The following CELF4 variants were observed in gnomAD, a reference collection of about 807,000 sequenced individuals.
The protein encoded by CELF4 is CUG-BP- and ETR-3-like factor 4.
Under a neutral mutation model 59.9 loss-of-function variants are expected in CELF4, and 18 were observed. That is an observed-to-expected ratio of 0.30 (90% confidence interval 0.21 to 0.45). The LOEUF is 0.45. CELF4 is among the 20% of genes least tolerant of loss of function. CELF4 has a pLI of 1.00. For missense variants in CELF4, 456 were observed against 689.0 expected (o/e 0.66, Z 3.79); for synonymous variants, 261 against 267.1 (o/e 0.98, Z 0.22).
intron 1 of CELF4, among the ~76,000 whole-genome samples, chr18:37,513,024 A>G (rs940042400): frequency 6.6e-6 from 1 of 152,106 alleles, no homozygotes; most frequent in African/African-American, 2.4e-5. Flanking sequence ...TGCATGGTGG[A>G]TCTCAGGGGC....
At chr18:37,286,986 C>A (rs1472206397) in intron 3 of CELF4, among the ~76,000 whole-genome samples, 2 of 152,144 alleles carry the variant, frequency 1.3e-5, no homozygotes, top group Non-Finnish European at 2.9e-5. Context: ...CCTGTAGCAC[C>A]AGCGGCTGCC....
chr18:37,429,901 C>T (rs1426572466), intron 2 of CELF4, among the ~76,000 whole-genome samples: 1 of 152,194 alleles, frequency 6.6e-6, no homozygotes, highest in African/African-American at 2.4e-5. Flanking sequence ...AGGCACACAC[C>T]TGCACTTCCT....
intron 1 of CELF4, among the ~76,000 whole-genome samples, chr18:37,491,226 T>C (rs1445673027): frequency 6.7e-6 from 1 of 149,892 alleles, no homozygotes. Flanking sequence ...CCACCTCCTC[T>C]CCTCACCCGA....
intron 1 of CELF4, among the ~76,000 whole-genome samples, chr18:37,511,769 C>T (rs1454034216): frequency 6.6e-6 from 1 of 152,062 alleles, no homozygotes; most frequent in Non-Finnish European, 1.5e-5. Context: ...ATTCTTTCTT[C>T]TTTTTTGTAA....
intron 2 of CELF4, among the ~76,000 whole-genome samples, chr18:37,323,747 CT>C (rs1161340230): frequency 6.6e-6 from 1 of 152,194 alleles, no homozygotes; most frequent in Non-Finnish European, 1.5e-5. Context: ...ATTTCTACAG[CT>C]TTTCTGCTTA....
At chr18:37,338,013 A>G (rs941051693) in intron 2 of CELF4, among the ~76,000 whole-genome samples, 3 of 147,750 alleles carry the variant, frequency 2.0e-5, no homozygotes, top group African/African-American at 7.5e-5. Context: ...TGTCACTGCC[A>G]CCACCACCAC....
chr18:37,436,649 A>G (rs1041795834), intron 2 of CELF4, among the ~76,000 whole-genome samples: 3 of 152,132 alleles, frequency 2.0e-5, no homozygotes, highest in Admixed American at 1.3e-4. Context: ...TTCACTTCCT[A>G]GGCTGCCTGC....
intron 3 of CELF4, among the ~76,000 whole-genome samples, chr18:37,280,404 G>C (rs551338110): frequency 2.0e-5 from 3 of 152,308 alleles, no homozygotes; most frequent in African/African-American, 7.2e-5. Context: ...TCTTTTAAGG[G>C]GTTGGGAAGA....
Position 37,556,088 on chromosome 18 carries a change from G to A in CELF4, c.286+9268C>T, listed in dbSNP as rs528798728. Among the ~76,000 whole-genome samples, 7 of 152,272 alleles carry A rather than the reference G, an allele frequency of 4.6e-5. No homozygotes were observed. In the East Asian group the frequency reaches 5.8e-4, roughly 13 times the overall value. On this transcript the variant is annotated intron_variant, in intron 1 of 12. Coordinates refer to ENST00000420428, the MANE Select transcript of CELF4 (RefSeq NM_020180.4). ...TCCTACAAATACACTGTGATGTAGC[G>A]TTTGATCTTTAGATGCCTCTTGTCT...
intron 1 of CELF4, among the ~76,000 whole-genome samples, chr18:37,553,689 A>G (rs537836122): frequency 6.2e-4 from 95 of 152,298 alleles, no homozygotes; most frequent in African/African-American, 2.2e-3. Context: ...TCCCAGGCTC[A>G]GGCCCGGCTT....
intron 3 of CELF4, among the ~76,000 whole-genome samples, chr18:37,295,786 C>A (rs151115684): frequency 6.6e-6 from 1 of 152,216 alleles, no homozygotes; most frequent in Non-Finnish European, 1.5e-5. Context: ...GGGAGGCACC[C>A]AGGTGAAACC....
intron 1 of CELF4, among the ~76,000 whole-genome samples, chr18:37,493,634 C>T (rs1056197413): frequency 6.6e-6 from 1 of 151,466 alleles, no homozygotes; most frequent in African/African-American, 2.4e-5. Flanking sequence ...ATACGTCTTC[C>T]TCAGAGGAGG....
Position 37,552,941 on chromosome 18 carries a change from C to T in CELF4, c.286+12415G>A, listed in dbSNP as rs115720482. Among the ~76,000 whole-genome samples the T allele has an allele frequency of 3.5e-3, 528 of 152,340 alleles. 2 individuals carry two copies. Among genetic ancestry groups the T allele is most frequent in the African/African-American group, 0.012 (493 of 41,586 alleles). ...TGACGTGGTCTGCCCAGTAGTCATT[C>T]ACCACAGCTCAACAACGTGCTTTTC... is the stretch of plus-strand genomic sequence containing the variant. On this transcript the variant is annotated intron_variant, in intron 1 of 12. Transcript: ENST00000420428.
chr18:37,281,677 GCTTTGGAGT>G (rs1164022662), intron 3 of CELF4, among the ~76,000 whole-genome samples: 1 of 151,828 alleles, frequency 6.6e-6, no homozygotes, highest in Admixed American at 6.5e-5. Context: ...CCTCTTTCCT[GCTTTGGAGT>G]CTTTGGTCTT....
chr18:37,519,506 T>A (rs947276884), intron 1 of CELF4, among the ~76,000 whole-genome samples: 1 of 152,204 alleles, frequency 6.6e-6, no homozygotes, highest in Non-Finnish European at 1.5e-5. Flanking sequence ...CATTTTGCCG[T>A]TGTTTGGAAG....
At chr18:37,550,054 T>C (rs548321691) in intron 1 of CELF4, among the ~76,000 whole-genome samples, 23 of 107,864 alleles carry the variant, frequency 2.1e-4, no homozygotes, top group South Asian at 3.8e-4. Context: ...GGAAGATATC[T>C]CCATCAACTG....
chr18:37,391,829 G>T (rs2099165366), intron 2 of CELF4, among the ~76,000 whole-genome samples: 1 of 152,212 alleles, frequency 6.6e-6, no homozygotes, highest in Non-Finnish European at 1.5e-5. Flanking sequence ...CTAGGATAAG[G>T]CTCCGAGCAG....
chr18:37,358,370 T>A (rs1370398861), intron 2 of CELF4, among the ~76,000 whole-genome samples: 3 of 152,218 alleles, frequency 2.0e-5, no homozygotes, highest in Non-Finnish European at 4.4e-5. Flanking sequence ...CGCCTTGCCT[T>A]CCGCCATGAT....
chr18:37,408,497 G>T (rs1209056535), intron 2 of CELF4, among the ~76,000 whole-genome samples: 7 of 80,456 alleles, frequency 8.7e-5, no homozygotes, highest in African/African-American at 2.6e-4. Context: ...GGTGCCGGGG[G>T]GGGGCGCGGT....
Sources: allele counts gnomAD v4.1 joint callset (sites outside exome capture counted in the v4.1 genomes callset), GRCh38; gene constraint gnomAD v4.1.1; transcripts MANE v1.5; gene names NCBI Gene and HGNC (gene_info 2026-07-23, HGNC 2026-07-21).